Variants in FAM185A observed in about 807,000 individuals in gnomAD.
FAM185A encodes protein FAM185A.
In FAM185A, 21 loss-of-function variants were observed where a neutral mutation model predicts 45.7. The ratio of observed to expected loss-of-function variants is 0.46; its 90% confidence interval spans 0.33 to 0.66. The LOEUF (loss-of-function observed/expected upper bound fraction) is 0.66, where lower values mean the gene tolerates loss of function less well. Among genes scored for constraint, FAM185A ranks in the 30% least tolerant of loss-of-function variants. The probability of loss-of-function intolerance (pLI) is 0.03; values close to 1 mark genes in which losing one functional copy is unlikely to be tolerated. For synonymous variants in FAM185A, 117 were observed against 194.0 expected (o/e 0.60, Z 3.30); for missense variants, 305 against 485.4 (o/e 0.63, Z 3.49).
At chr7:102,826,227 G>C in the FAM185A span, among the ~76,000 whole-genome samples, 1 of 152,026 alleles carries the variant, frequency 6.6e-6, no homozygotes, top group African/African-American at 2.4e-5. Flanking sequence ...GAAAAAACCC[G>C]CCTTGAAGAT....
At chr7:102,798,559 T>G (rs1439022947) in intron 7 of FAM185A, among the ~76,000 whole-genome samples, 1 of 152,064 alleles carries the variant, frequency 6.6e-6, no homozygotes, top group African/African-American at 2.4e-5. Flanking sequence ...GTAAGAAATA[T>G]ATTATTGGGG....
At chr7:102,825,125 TC>T in the FAM185A span, among the ~76,000 whole-genome samples, 2 of 152,232 alleles carry the variant, frequency 1.3e-5, no homozygotes, top group African/African-American at 4.8e-5. Context: ...TACAGTCTTT[TC>T]CAAGTTTTGG....
At chr7:102,834,092 A>AGGAAGGAAGGAAGGAAGGAAGGAAG in the FAM185A span, among the ~76,000 whole-genome samples, 1 of 85,952 alleles carries the variant, frequency 1.2e-5, no homozygotes, top group Non-Finnish European at 2.3e-5. Flanking sequence ...AAAGAAAAGA[A>AGGAAGGAAGGAAGGAAGGAAGGAAG]AGAAAGAAAG....
At chr7:102,758,555 G>A (rs1474333229) in intron 3 of FAM185A, among the ~76,000 whole-genome samples, 2 of 148,594 alleles carry the variant, frequency 1.3e-5, no homozygotes, top group Admixed American at 1.4e-4. Context: ...ATAGTATTAA[G>A]AGTAAAGGTA....
chr7:102,782,433 C>G (rs910468547), intron 6 of FAM185A, among the ~76,000 whole-genome samples: 6 of 152,188 alleles, frequency 3.9e-5, no homozygotes, highest in African/African-American at 1.4e-4. Flanking sequence ...GGAAGCCCAT[C>G]AGACTAACAG....
chr7:102,758,210 C>T (rs28663344), intron 3 of FAM185A, among the ~76,000 whole-genome samples: 1 of 152,198 alleles, frequency 6.6e-6, no homozygotes, highest in South Asian at 2.1e-4. Flanking sequence ...AACTCTAGTT[C>T]TGAAAAGATT....
the FAM185A span, among the ~76,000 whole-genome samples, chr7:102,836,263 T>A: frequency 3.9e-5 from 6 of 152,240 alleles, no homozygotes; most frequent in Admixed American, 6.5e-5. Context: ...ATGGAAAATC[T>A]GAGGCACAAA....
chr7:102,839,569 C>T, the FAM185A span, among the ~76,000 whole-genome samples: 1 of 152,162 alleles, frequency 6.6e-6, no homozygotes, highest in East Asian at 1.9e-4. Flanking sequence ...TCTCGTTCCT[C>T]AGCCTCTAGC....
chr7:102,839,333 T>C, the FAM185A span, among the ~76,000 whole-genome samples: 1 of 152,226 alleles, frequency 6.6e-6, no homozygotes, highest in Non-Finnish European at 1.5e-5. Context: ...AATCAATAAA[T>C]AATGAGGGAA....
intron 4 of FAM185A, among the ~76,000 whole-genome samples, chr7:102,765,174 C>A (rs1490126058): frequency 6.6e-6 from 1 of 152,172 alleles, no homozygotes; most frequent in African/African-American, 2.4e-5. Context: ...ACCGCAAATT[C>A]CATCATCACT....
At chr7:102,816,127 C>G in the FAM185A span, 19 of 152,266 alleles carry the variant, frequency 1.2e-4, no homozygotes, top group African/African-American at 4.6e-4. Flanking sequence ...TCCAGTCCAC[C>G]CACAGACAGC....
chr7:102,759,571 T>A (rs1416730733), intron 3 of FAM185A, among the ~76,000 whole-genome samples: 1 of 152,124 alleles, frequency 6.6e-6, no homozygotes, highest in Non-Finnish European at 1.5e-5. Context: ...ATTTGGATAT[T>A]TGAGAGACAA....
intron 7 of FAM185A, among the ~76,000 whole-genome samples, chr7:102,798,871 C>G (rs1183669917): frequency 1.3e-5 from 2 of 151,902 alleles, no homozygotes; most frequent in Non-Finnish European, 2.9e-5. Context: ...CCTCAGCCTC[C>G]CAAGTAGCTG....
rs546288741 is a variant in FAM185A, at chr7:102,769,765, T to C, written c.794-2644T>C. Among the ~76,000 whole-genome samples, 982 of 151,642 alleles carry C rather than the reference T, an allele frequency of 6.5e-3. 7 individuals are homozygous for C. The highest frequency in any genetic ancestry group is 0.022 in the African/African-American group (927 of 41,268). ...TGAGAGCCTTCTTGCGGATAGGGGC[T>C]CTGCAGAGTCATGAAGTGGCACAGG... On this transcript the variant is annotated intron_variant, in intron 4 of 7. Transcript: ENST00000413034.
the FAM185A span, among the ~76,000 whole-genome samples, chr7:102,840,943 A>T: frequency 7.2e-5 from 11 of 152,338 alleles, no homozygotes; most frequent in South Asian, 1.9e-3. Flanking sequence ...TCCTGGAACG[A>T]TCCTATCTAT....
chr7:102,754,157 C>T (rs1014935818), intron 2 of FAM185A, among the ~76,000 whole-genome samples: 2 of 152,168 alleles, frequency 1.3e-5, no homozygotes, highest in Non-Finnish European at 2.9e-5. Context: ...GTGTCTCTTT[C>T]ATTAACTTAA....
Position 102,808,705 on chromosome 7 carries a change from T to C in FAM185A, c.*303T>C, listed in dbSNP as rs1396425649. 2 of 258,396 alleles carry C rather than the reference T, an allele frequency of 7.7e-6. No individual in the cohort carries two copies. Among genetic ancestry groups the C allele is most frequent in the Non-Finnish European group, 1.5e-5 (2 of 132,424 alleles). The allele number at this position is 258,396 out of a possible 1,614,324, so 16.0% of individuals were successfully genotyped here. ...AGATTTTGGCCAGGCTGAGTTCTCA[T>C]CTGGAGTCTCTGGGAAGAAATCTAC... On this transcript the variant is annotated 3_prime_UTR_variant, in exon 8 of 8. Transcript: ENST00000413034.
intron 7 of FAM185A, among the ~76,000 whole-genome samples, chr7:102,792,008 C>T (rs547808691): frequency 1.1e-4 from 16 of 150,358 alleles, no homozygotes; most frequent in Non-Finnish European, 1.8e-4. Flanking sequence ...CTCAGCTCAT[C>T]TTGGCCTTCC....
the FAM185A span, among the ~76,000 whole-genome samples, chr7:102,835,418 A>G: frequency 6.6e-6 from 1 of 152,262 alleles, no homozygotes; most frequent in Non-Finnish European, 1.5e-5. Flanking sequence ...TAAAAATGCA[A>G]TAAGCCCCTT....
Sources: allele counts gnomAD v4.1 joint callset (sites outside exome capture counted in the v4.1 genomes callset), GRCh38; gene constraint gnomAD v4.1.1; transcripts MANE v1.5; gene names NCBI Gene and HGNC (gene_info 2026-07-23, HGNC 2026-07-21).